ADAMTS3: variants seen among roughly 807,000 people sequenced by gnomAD.
ADAMTS3 encodes ADAM metallopeptidase with thrombospondin type 1 motif 3.
Under a neutral mutation model 129.0 loss-of-function variants are expected in ADAMTS3, and 73 were observed. The ratio of observed to expected loss-of-function variants is 0.57; its 90% CI spans 0.47 to 0.69. The LOEUF (loss-of-function observed/expected upper bound fraction) is 0.69, where lower values mean the gene tolerates loss of function less well. Ranked by LOEUF, ADAMTS3 falls within the 30% of genes least tolerant of loss-of-function variation. The pLI is 0.00. For synonymous variants in ADAMTS3, 477 were observed against 510.8 expected (o/e 0.93, Z 0.89); for missense variants, 1,457 against 1,514.5 (o/e 0.96, Z 0.63).
At chr4:72,547,446 G>A (rs577352182) in intron 3 of ADAMTS3, among the ~76,000 whole-genome samples, 9 of 152,214 alleles carry the variant, frequency 5.9e-5, no homozygotes, top group African/African-American at 1.9e-4. Flanking sequence ...AGCTACATAC[G>A]TCACTCAAGG....
At chr4:72,548,384 G>A (rs1721519821) in intron 3 of ADAMTS3, 94 bp downstream of exon 3, 2 of 1,284,966 alleles carry the variant, frequency 1.6e-6, no homozygotes, top group Non-Finnish European at 2.2e-6. Flanking sequence ...TAACAATGAA[G>A]CCTCCTTTCC....
chr4:72,462,842 T>TA (rs1410942870), intron 3 of ADAMTS3, among the ~76,000 whole-genome samples: 1 of 151,852 alleles, frequency 6.6e-6, no homozygotes, highest in East Asian at 1.9e-4. Flanking sequence ...ATTTATAAAG[T>TA]AAAAAAGTGA....
At chr4:72,461,007 G>C (rs1362605492) in intron 3 of ADAMTS3, among the ~76,000 whole-genome samples, 1 of 151,442 alleles carries the variant, frequency 6.6e-6, no homozygotes, top group East Asian at 1.9e-4. Context: ...AATACATTTG[G>C]GATAGTCAAT....
At chr4:72,532,125 A>G (rs1721060284) in intron 3 of ADAMTS3, among the ~76,000 whole-genome samples, 1 of 152,250 alleles carries the variant, frequency 6.6e-6, no homozygotes, top group Non-Finnish European at 1.5e-5. Flanking sequence ...ATCCAGTACC[A>G]TTGCACACAT....
At chr4:72,369,310 C>A (rs1232573055) in intron 4 of ADAMTS3, among the ~76,000 whole-genome samples, 2 of 152,172 alleles carry the variant, frequency 1.3e-5, no homozygotes, top group Admixed American at 6.5e-5. Flanking sequence ...CATCTATGTT[C>A]TTTTCCACCA....
chr4:72,500,311 AT>A (rs778132991), intron 3 of ADAMTS3, among the ~76,000 whole-genome samples: 6 of 152,138 alleles, frequency 3.9e-5, no homozygotes, highest in Non-Finnish European at 5.9e-5. Context: ...AATAATAACC[AT>A]TCTGACTGGT....
chr4:72,560,473 G>GAT (rs1454997053), intron 2 of ADAMTS3, among the ~76,000 whole-genome samples: 4 of 152,250 alleles, frequency 2.6e-5, no homozygotes, highest in African/African-American at 9.6e-5. Context: ...AAGAAAATGT[G>GAT]ATATATATAC....
chr4:72,467,193 T>C (rs957993809), intron 3 of ADAMTS3, among the ~76,000 whole-genome samples: 5 of 152,108 alleles, frequency 3.3e-5, no homozygotes, highest in African/African-American at 1.2e-4. Context: ...TTTTCTGGCT[T>C]TATTTCTAAC....
chr4:72,453,147 T>C (rs1385380897), intron 3 of ADAMTS3, among the ~76,000 whole-genome samples: 1 of 151,830 alleles, frequency 6.6e-6, no homozygotes, highest in East Asian at 2.0e-4. Flanking sequence ...ATATATTTTT[T>C]CCATTTATTA....
intron 10 of ADAMTS3, among the ~76,000 whole-genome samples, chr4:72,317,562 T>TTAA (rs1171453333): frequency 6.6e-6 from 1 of 152,098 alleles, no homozygotes; most frequent in African/African-American, 2.4e-5. Context: ...AAGACTGGCT[T>TTAA]TAATGGATTC....
chr4:72,481,510 T>G (rs1025803532), intron 3 of ADAMTS3, among the ~76,000 whole-genome samples: 1 of 152,170 alleles, frequency 6.6e-6, no homozygotes, highest in Non-Finnish European at 1.5e-5. Flanking sequence ...AAGAATAGCC[T>G]TGGACCTAAA....
chr4:72,491,887 G>T (rs1719755289), intron 3 of ADAMTS3, among the ~76,000 whole-genome samples: 1 of 151,696 alleles, frequency 6.6e-6, no homozygotes, highest in Non-Finnish European at 1.5e-5. Context: ...AAGCCATCAG[G>T]TTCTGAACTT....
rs1201778968 is a variant in ADAMTS3, at chr4:72,341,371, A to T, written c.662-1678T>A. On this transcript the variant is annotated intron_variant, in intron 4 of 21. Transcript: ENST00000286657. ...CTCACCAAGGAATTACATTGGCTCC[A>T]CAATATATAAATAACTCTCACCATC... Among the ~76,000 whole-genome samples, 3 of 152,172 alleles carry T rather than the reference A, an allele frequency of 2.0e-5. No homozygotes were observed. The East Asian group carries it at 5.8e-4, about 29-fold the overall frequency.
chr4:72,398,132 T>C (rs564263714), intron 4 of ADAMTS3, among the ~76,000 whole-genome samples: 80 of 152,308 alleles, frequency 5.3e-4, no homozygotes, highest in African/African-American at 1.9e-3. Flanking sequence ...GTTGAAATTT[T>C]TAGGTCTCTG....
chr4:72,364,227 A>C (rs1720809283), intron 4 of ADAMTS3, among the ~76,000 whole-genome samples: 1 of 151,978 alleles, frequency 6.6e-6, no homozygotes, highest in African/African-American at 2.4e-5. Context: ...CAAACACACA[A>C]AGAGAGAAAA....
chr4:72,391,480 T>C (rs1413075336), intron 4 of ADAMTS3, among the ~76,000 whole-genome samples: 1 of 151,906 alleles, frequency 6.6e-6, no homozygotes, highest in Non-Finnish European at 1.5e-5. Context: ...GTGAAAGAAA[T>C]TGGTAAGTGA....
intron 4 of ADAMTS3, among the ~76,000 whole-genome samples, chr4:72,413,793 T>C (rs1722237638): frequency 6.6e-6 from 1 of 151,976 alleles, no homozygotes; most frequent in Non-Finnish European, 1.5e-5. Flanking sequence ...GCCTCTACAG[T>C]GACTCTCTAA....
chr4:72,329,097 G>T (rs1225451209), intron 5 of ADAMTS3, among the ~76,000 whole-genome samples: 1 of 152,138 alleles, frequency 6.6e-6, no homozygotes, highest in African/African-American at 2.4e-5. Flanking sequence ...AAATGTTCTG[G>T]GGGTGGAGAA....
chr4:72,474,280 A>T (rs1719164401), intron 3 of ADAMTS3, among the ~76,000 whole-genome samples: 1 of 152,244 alleles, frequency 6.6e-6, no homozygotes, highest in Admixed American at 6.5e-5. Context: ...TTTTAAAGCA[A>T]CAATGATAAA....
Sources: allele counts gnomAD v4.1 joint callset (sites outside exome capture counted in the v4.1 genomes callset), GRCh38; gene constraint gnomAD v4.1.1; transcripts MANE v1.5; gene names NCBI Gene and HGNC (gene_info 2026-07-23, HGNC 2026-07-21).